The following FRMPD4 variants were observed in gnomAD, a reference collection of about 807,000 sequenced individuals.
FRMPD4 encodes the protein FERM and PDZ domain-containing protein 4.
FRMPD4 carries 22 observed loss-of-function variants against 94.1 expected under a neutral mutation model. The observed-to-expected ratio is 0.23, with a 90% confidence interval of 0.17 to 0.33. The LOEUF (loss-of-function observed/expected upper bound fraction) is 0.33. Among genes scored for constraint, FRMPD4 ranks in the 10% least tolerant of loss-of-function variants. The probability of loss-of-function intolerance (pLI) is 1.00; values close to 1 mark genes in which losing one functional copy is unlikely to be tolerated. For synonymous variants in FRMPD4, 631 were observed against 548.6 expected (o/e 1.15, Z -2.10); for missense variants, 1,111 against 1,339.9 (o/e 0.83, Z 2.67).
chrX:12,289,378 C>T (rs1383396316), intron 1 of FRMPD4, among the ~76,000 whole-genome samples: 1 of 111,993 alleles, frequency 8.9e-6, no homozygotes, highest in Non-Finnish European at 1.9e-5. Context: ...GACACTAGCC[C>T]ATATACAGCT....
intron 3 of FRMPD4, among the ~76,000 whole-genome samples, chrX:12,132,511 T>G (rs961186322): frequency 1.3e-4 from 14 of 111,609 alleles, no homozygotes; most frequent in Non-Finnish European, 2.6e-4. Flanking sequence ...TGTTGTCACT[T>G]AGGAAGTAAG....
chrX:12,070,388 A>C (rs1273513327), intron 3 of FRMPD4, among the ~76,000 whole-genome samples: 1 of 112,283 alleles, frequency 8.9e-6, no homozygotes. Flanking sequence ...GGGTAATTTC[A>C]TGGTTTAGCA....
intron 2 of FRMPD4, among the ~76,000 whole-genome samples, chrX:12,518,689 A>G (rs941585893): frequency 4.5e-5 from 5 of 112,066 alleles, no homozygotes; most frequent in African/African-American, 1.3e-4. Context: ...CTTCTATTCA[A>G]TGTAGATTGG....
At chrX:12,642,630 G>C (rs1008584744) in intron 4 of FRMPD4, among the ~76,000 whole-genome samples, 3 of 113,122 alleles carry the variant, frequency 2.7e-5, no homozygotes, top group African/African-American at 9.6e-5. Context: ...CACTGGGCAT[G>C]GTGGATCATA....
At chrX:12,315,154 AT>A (rs2055095168) in intron 1 of FRMPD4, among the ~76,000 whole-genome samples, 1 of 112,259 alleles carries the variant, frequency 8.9e-6, no homozygotes, top group Non-Finnish European at 1.9e-5. Flanking sequence ...TTTAACAGTT[AT>A]AAATTTAACT....
chrX:11,851,990 GT>G lies in FRMPD4; in HGVS notation c.-160-13094del, dbSNP rs935059402. Among the ~76,000 whole-genome samples, 3 of 109,023 alleles carry G rather than the reference GT, an allele frequency of 2.8e-5. No individual in the cohort carries two copies. The Admixed American group carries it at 2.9e-4, about 11-fold the overall frequency. The allele number at this position is 109,023 out of a possible 115,157, so 94.7% of individuals were successfully genotyped here. A position where few individuals can be genotyped will look rare whatever the true frequency, so the allele number is the denominator to read the frequency against. On this transcript the variant is annotated intron_variant, in intron 1 of 18. Transcript: ENST00000640291. ...AAACCTCTAAGAGATAGACAGTGGG[GT>G]TCTACCATCAACTTCTAATTCTTTA... is the stretch of plus-strand genomic sequence containing the variant.
chrX:11,976,918 T>TA (rs748532419), intron 3 of FRMPD4, among the ~76,000 whole-genome samples: 202 of 111,745 alleles, frequency 1.8e-3, no homozygotes, highest in Non-Finnish European at 3.2e-3. Flanking sequence ...GTTCTTTTTT[T>TA]AAAAAAAATG....
intron 13 of FRMPD4, among the ~76,000 whole-genome samples, chrX:12,707,897 T>C (rs1280902091): frequency 1.8e-5 from 2 of 112,351 alleles, no homozygotes; most frequent in Non-Finnish European, 3.8e-5. Flanking sequence ...GAAAGCAAGC[T>C]ACATAATTTC....
rs370402567 is a variant in FRMPD4, at chrX:12,584,671, A to G, written c.159-25050A>G. Among the ~76,000 whole-genome samples the G allele has an allele frequency of 5.3e-5, 6 of 112,643 alleles. No homozygotes were observed. In the East Asian group the frequency reaches 1.4e-3, roughly 26 times the overall value. Reference sequence around the variant, plus strand: ...TTCTGCTTCGTCAATATCTGAAAACAAAAAGAGGACTGTTTTATTACTTGA... The same window carrying G: ...TTCTGCTTCGTCAATATCTGAAAACGAAAAGAGGACTGTTTTATTACTTGA... On this transcript the variant is annotated intron_variant, in intron 2 of 16. Coordinates refer to ENST00000675598, the MANE Select transcript of FRMPD4 (RefSeq NM_001368397.1).
intron 3 of FRMPD4, among the ~76,000 whole-genome samples, chrX:11,893,685 C>G (rs944237183): frequency 6.3e-5 from 7 of 111,555 alleles, no homozygotes; most frequent in African/African-American, 2.3e-4. Context: ...GAGTGAGGTA[C>G]TGTCTTTGGT....
At chrX:12,412,973 A>C (rs1361140504) in intron 1 of FRMPD4, among the ~76,000 whole-genome samples, 1 of 109,185 alleles carries the variant, frequency 9.2e-6, no homozygotes, top group Admixed American at 9.6e-5. Flanking sequence ...ACTGATAGTC[A>C]TAGTAAAAAA....
intron 1 of FRMPD4, among the ~76,000 whole-genome samples, chrX:12,220,459 C>T (rs1246948364): frequency 9.0e-6 from 1 of 111,687 alleles, no homozygotes; most frequent in Admixed American, 9.5e-5. Flanking sequence ...ATAAAAAAAC[C>T]TTTTGTGTCC....
intron 1 of FRMPD4, among the ~76,000 whole-genome samples, chrX:12,297,031 C>G (rs755669971): frequency 1.8e-5 from 2 of 112,674 alleles, no homozygotes; most frequent in Admixed American, 1.9e-4. Context: ...GATTGTGAAG[C>G]TCACTGCTCA....
intron 1 of FRMPD4, among the ~76,000 whole-genome samples, chrX:12,211,106 T>C (rs2056751379): frequency 8.9e-6 from 1 of 112,329 alleles, no homozygotes. Flanking sequence ...CCATGTAATA[T>C]GACAGAGTTG....
chrX:12,697,030 T>A (rs372812410), intron 9 of FRMPD4, among the ~76,000 whole-genome samples: 11 of 112,288 alleles, frequency 9.8e-5, no homozygotes, highest in East Asian at 8.4e-4. Flanking sequence ...ACTGTGGTAT[T>A]TACAGCTCAG....
intron 3 of FRMPD4, among the ~76,000 whole-genome samples, chrX:12,048,116 G>A (rs1394851819): frequency 8.0e-5 from 9 of 112,383 alleles, no homozygotes; most frequent in East Asian, 5.6e-4. Context: ...CATTCCCACC[G>A]GTGGTGTATA....
chrX:12,659,951 C>T (rs1167115227), intron 4 of FRMPD4, among the ~76,000 whole-genome samples: 1 of 111,761 alleles, frequency 8.9e-6, no homozygotes. Context: ...AGTGCCAAAC[C>T]TGAAATTTTA....
At chrX:12,334,845 A>G (rs1378401824) in intron 1 of FRMPD4, among the ~76,000 whole-genome samples, 1 of 111,482 alleles carries the variant, frequency 9.0e-6, no homozygotes, top group African/African-American at 3.3e-5. Flanking sequence ...ATCTCAGACA[A>G]TTACTATTAC....
chrX:12,270,004 A>C (rs866931860), intron 1 of FRMPD4, among the ~76,000 whole-genome samples: 2 of 112,211 alleles, frequency 1.8e-5, no homozygotes, highest in Middle Eastern at 4.6e-3. Context: ...GAATCTGGTG[A>C]TATTTAATTT....
Sources: allele counts gnomAD v4.1 joint callset (sites outside exome capture counted in the v4.1 genomes callset), GRCh38; gene constraint gnomAD v4.1.1; transcripts MANE v1.5; gene names NCBI Gene and HGNC (gene_info 2026-07-23, HGNC 2026-07-21).